Variants in EBF1 observed in about 807,000 individuals in gnomAD.
The protein encoded by EBF1 is transcription factor COE1.
EBF1 carries 10 observed loss-of-function variants against 68.4 expected under a neutral mutation model. That is an observed-to-expected ratio of 0.15 (90% CI 0.09 to 0.25). The LOEUF (loss-of-function observed/expected upper bound fraction) is 0.25. Among genes scored for constraint, EBF1 ranks in the 10% least tolerant of loss-of-function variants. The pLI, the probability that EBF1 is intolerant of heterozygous loss-of-function variation, is 1.00. For missense variants in EBF1, 509 were observed against 794.4 expected, an observed-to-expected ratio of 0.64 and a Z score of 4.32; for synonymous variants, 298 against 299.8, an observed-to-expected ratio of 0.99 and a Z score of 0.06.
intron 6 of EBF1, among the ~76,000 whole-genome samples, chr5:158,962,943 T>C (rs1385798086): frequency 6.6e-6 from 1 of 152,188 alleles, no homozygotes; most frequent in Non-Finnish European, 1.5e-5. Flanking sequence ...CTGTACCTCC[T>C]ATAACACTGC....
At chr5:158,720,179 G>A (rs138172792) in intron 11 of EBF1, among the ~76,000 whole-genome samples, 157 of 152,240 alleles carry the variant, frequency 1.0e-3, no homozygotes, top group African/African-American at 3.3e-3. Flanking sequence ...GCCTTCCTTC[G>A]TATAGGGTTT....
intron 10 of EBF1, among the ~76,000 whole-genome samples, chr5:158,746,392 G>T (rs1767567484): frequency 6.6e-6 from 1 of 152,164 alleles, no homozygotes; most frequent in South Asian, 2.1e-4. Context: ...AGAATTTTAA[G>T]CTTAGAGACT....
intron 10 of EBF1, among the ~76,000 whole-genome samples, chr5:158,771,304 T>G (rs3095890): frequency 6.6e-6 from 1 of 152,080 alleles, no homozygotes; most frequent in Non-Finnish European, 1.5e-5. Context: ...ACTCCTTAGA[T>G]GAAGGTACTA....
chr5:158,796,535 A>T (rs1050208009), intron 8 of EBF1, 60 bp from the exon 9 acceptor site: 2 of 1,505,192 alleles, frequency 1.3e-6, no homozygotes, highest in Non-Finnish European at 1.8e-6. Flanking sequence ...AACTTTAATG[A>T]TGAAGACTTG....
chr5:158,970,180 A>C (rs898963980), intron 6 of EBF1, among the ~76,000 whole-genome samples: 7 of 152,322 alleles, frequency 4.6e-5, no homozygotes, highest in Admixed American at 2.0e-4. Context: ...CACTCACAGG[A>C]GACTTGGAAA....
At chr5:159,092,653 C>T (rs1335099460) in intron 4 of EBF1, among the ~76,000 whole-genome samples, 1 of 152,114 alleles carries the variant, frequency 6.6e-6, no homozygotes, top group Non-Finnish European at 1.5e-5. Flanking sequence ...TTTGCTTGTC[C>T]AAAATTCCTT....
intron 6 of EBF1, among the ~76,000 whole-genome samples, chr5:158,880,250 C>T (rs1798636245): frequency 6.6e-6 from 1 of 152,192 alleles, no homozygotes; most frequent in Non-Finnish European, 1.5e-5. Flanking sequence ...CTCCATCATG[C>T]TTCCTCCACC....
chr5:158,987,956 G>T (rs1176875264), intron 6 of EBF1, among the ~76,000 whole-genome samples: 3 of 152,094 alleles, frequency 2.0e-5, no homozygotes, highest in Non-Finnish European at 4.4e-5. Context: ...ATCCCCCCGG[G>T]GCTCACTGGA....
At chr5:158,953,102 A>G (rs1161562882) in intron 6 of EBF1, among the ~76,000 whole-genome samples, 2 of 152,172 alleles carry the variant, frequency 1.3e-5, no homozygotes, top group Admixed American at 1.3e-4. Flanking sequence ...CTAGTAAGAC[A>G]TGAGTTTATA....
At chr5:158,730,775 T>C (rs1425323109) in intron 11 of EBF1, among the ~76,000 whole-genome samples, 2 of 152,216 alleles carry the variant, frequency 1.3e-5, no homozygotes, top group African/African-American at 4.8e-5. Context: ...CTTGAGCAAA[T>C]TATTATTTAA....
intron 15 of EBF1, among the ~76,000 whole-genome samples, chr5:158,700,337 G>C (rs1031565761): frequency 2.0e-5 from 3 of 152,242 alleles, no homozygotes; most frequent in African/African-American, 7.2e-5. Flanking sequence ...GACATTACAA[G>C]CAAGGGGCAG....
intron 6 of EBF1, among the ~76,000 whole-genome samples, chr5:159,051,727 G>T (rs1773797558): frequency 6.6e-6 from 1 of 151,980 alleles, no homozygotes; most frequent in Admixed American, 6.6e-5. Flanking sequence ...GGCAAGACAC[G>T]GGGTGTTCCT....
chr5:158,830,295 T>C (rs1787231396), intron 7 of EBF1, among the ~76,000 whole-genome samples: 1 of 151,982 alleles, frequency 6.6e-6, no homozygotes, highest in Admixed American at 6.6e-5. Context: ...TTTTTTGAGA[T>C]GGAGTCTTGC....
Position 158,903,435 on chromosome 5 carries a change from C to A in EBF1, c.555-63325G>T, listed in dbSNP as rs1034481106. 2.6e-5 allele frequency among the ~76,000 whole-genome samples: 4 copies of A among 152,256 alleles called. No individual in the cohort carries two copies. The East Asian group carries it at 7.7e-4, about 29-fold the overall frequency. ...GCAATGGCCCCTCTCTTCTCTCTGGCTTCTCCTAAGGGAAGTCCCTTGATT... is the reference window on the plus strand; with the variant it reads ...GCAATGGCCCCTCTCTTCTCTCTGGATTCTCCTAAGGGAAGTCCCTTGATT... On this transcript the variant is annotated intron_variant, in intron 6 of 15. Coordinates refer to ENST00000313708, the MANE Select transcript of EBF1 (RefSeq NM_024007.5).
At chr5:158,767,624 G>T (rs137963996) in intron 10 of EBF1, among the ~76,000 whole-genome samples, 1,755 of 152,056 alleles carry the variant, frequency 0.012, 134 homozygotes, top group Admixed American at 0.11. Flanking sequence ...GGCACCAGGG[G>T]GTGGGGGTGG....
chr5:158,940,073 G>T (rs1239508287), intron 6 of EBF1, among the ~76,000 whole-genome samples: 1 of 152,172 alleles, frequency 6.6e-6, no homozygotes, highest in Non-Finnish European at 1.5e-5. Flanking sequence ...TAGCTGTAGT[G>T]CCTTGCCTCG....
rs555712911 is a variant in EBF1, at chr5:159,014,633, G to A, written c.554+58763C>T. Reference sequence around the variant, plus strand: ...ATATCTCTTTGCTCTTTCATATGAAGTTATAACATCCTCAATGTTTATTTG... The same window carrying A: ...ATATCTCTTTGCTCTTTCATATGAAATTATAACATCCTCAATGTTTATTTG... On this transcript the variant is annotated intron_variant, in intron 6 of 15. Transcript: ENST00000313708. Among the ~76,000 whole-genome samples, 81 of 152,334 alleles carry A rather than the reference G, an allele frequency of 5.3e-4. 1 individual carries two copies. In the South Asian group the frequency reaches 0.016, roughly 30 times the overall value.
At position 159,097,013 on chromosome 5, in the gene EBF1, G is replaced by C. The variant is rs371377954; in HGVS notation, c.252C>G (p.Ile84Met). The C allele has an allele frequency of 1.9e-6, 3 of 1,614,094 alleles. No homozygotes were observed. The South Asian group carries it at 3.3e-5, about 18-fold the overall frequency. Reference sequence around the variant, plus strand: ...CGAACCCCACAAACGCTGTCCTCTCGATCTCCACGGGCTGGCCCTGTCTGT... The same window carrying C: ...CGAACCCCACAAACGCTGTCCTCTCCATCTCCACGGGCTGGCCCTGTCTGT... ...LYDRQGQPVE[I>M]ERTAFVGFVE... Residue 84 changes from isoleucine to methionine, a missense_variant, in exon 2 of 16, where the codon ATC (isoleucine) becomes ATG (methionine). By Grantham distance (10) the Ile-to-Met change is conservative (BLOSUM62 1). This residue lies in a region of EBF1 where 230 missense variants were observed against 467.7 expected (regional missense o/e 0.49). Transcript: ENST00000313708.
At chr5:159,067,904 G>A (rs1469314553) in intron 6 of EBF1, among the ~76,000 whole-genome samples, 1 of 152,042 alleles carries the variant, frequency 6.6e-6, no homozygotes, top group Non-Finnish European at 1.5e-5. Flanking sequence ...TCCTGCCTAG[G>A]GCAATTTTAG....
Sources: gnomAD v4.1 joint callset for allele counts (sites outside exome capture counted in the v4.1 genomes callset) on GRCh38, gnomAD v4.1.1 for gene constraint, gnomAD v4.1.1 regional missense constraint, MANE v1.5 for transcripts, NCBI Gene and HGNC (gene_info 2026-07-23, HGNC 2026-07-21) for gene names.